Variants in BABAM2 observed in about 807,000 individuals in gnomAD.
BABAM2 encodes the protein BRISC and BRCA1-A complex member 2.
In BABAM2, 31 loss-of-function variants were observed where a neutral mutation model predicts 54.7. The observed-to-expected ratio is 0.57, with a 90% CI of 0.43 to 0.77. The LOEUF is 0.77. Ranked by LOEUF, BABAM2 falls within the 30% of genes least tolerant of loss-of-function variation. BABAM2 has a pLI of 0.00. For synonymous variants in BABAM2, 167 were observed against 162.9 expected, an observed-to-expected ratio of 1.03 and a Z score of -0.19; for missense variants, 364 against 455.8, an observed-to-expected ratio of 0.80 and a Z score of 1.83.
chr2:27,929,758 A>G lies in BABAM2; in HGVS notation c.129-74A>G, dbSNP rs1003007304. On this transcript the variant is annotated intron_variant, in intron 2 of 11. Coordinates refer to ENST00000379624, the MANE Select transcript of BABAM2 (RefSeq NM_199191.3). Reference sequence around the variant, plus strand: ...GTATAAAGATCCTGTTTTGTTTAGTATCATAAACATGTGGGTTTTTAAAGT... The same window carrying G: ...GTATAAAGATCCTGTTTTGTTTAGTGTCATAAACATGTGGGTTTTTAAAGT... 6.0e-6 allele frequency: 8 copies of G among 1,337,312 alleles called. No individual in the cohort carries two copies. The East Asian group carries it at 1.2e-4, about 19-fold the overall frequency. 82.8% of individuals were successfully genotyped at this position (1,337,312 alleles called of 1,614,324 possible).
intron 10 of BABAM2, among the ~76,000 whole-genome samples, chr2:28,258,631 T>TTTTTTTTG (rs1684194708): frequency 6.8e-6 from 1 of 147,834 alleles, no homozygotes; most frequent in Admixed American, 6.8e-5. Context: ...TTTTTTTTTT[T>TTTTTTTTG]GAGACAGGAT....
intron 6 of BABAM2, among the ~76,000 whole-genome samples, chr2:28,112,902 T>A (rs1161534388): frequency 3.3e-5 from 5 of 152,232 alleles, no homozygotes; most frequent in Admixed American, 6.5e-5. Flanking sequence ...CCATTCTAAC[T>A]GGCATGAGAT....
chr2:28,246,539 C>T (rs564535894), intron 10 of BABAM2, among the ~76,000 whole-genome samples: 4 of 152,156 alleles, frequency 2.6e-5, no homozygotes, highest in East Asian at 1.9e-4. Flanking sequence ...GTGACGGCCT[C>T]GTGCCTCCTG....
intron 5 of BABAM2, among the ~76,000 whole-genome samples, chr2:28,030,378 G>A (rs1676203799): frequency 6.6e-6 from 1 of 152,068 alleles, no homozygotes; most frequent in Non-Finnish European, 1.5e-5. Context: ...AAACATTAGG[G>A]CAATGGTTAT....
chr2:28,143,514 A>G (rs1489301248), intron 7 of BABAM2, among the ~76,000 whole-genome samples: 1 of 152,184 alleles, frequency 6.6e-6, no homozygotes, highest in East Asian at 1.9e-4. Context: ...TTTAACACAC[A>G]CACAAGTAAC....
intron 7 of BABAM2, among the ~76,000 whole-genome samples, chr2:28,218,999 T>C (rs1383899530): frequency 3.9e-5 from 6 of 152,254 alleles, no homozygotes; most frequent in Non-Finnish European, 7.3e-5. Flanking sequence ...TTTTGAATGC[T>C]ATATTAGATT....
chr2:27,982,844 T>TACACACACACAC lies in BABAM2; in HGVS notation c.206-5121_206-5110dup, dbSNP rs146744707. ...AGGCTGAATAATATTTCATTATGTG[T>TACACACACACAC]ACACACACACACACACACACACACA... On this transcript the variant is annotated intron_variant, in intron 3 of 11. Transcript: ENST00000379624. 6.3e-5 allele frequency among the ~76,000 whole-genome samples: 8 copies of TACACACACACAC among 127,234 alleles called. No individual in the cohort carries two copies. In the East Asian group the frequency reaches 9.1e-4, roughly 14 times the overall value. The allele number at this position is 127,234 out of a possible 152,430, so 83.5% of individuals were successfully genotyped here.
chr2:28,028,682 G>T (rs1336873636), intron 5 of BABAM2, among the ~76,000 whole-genome samples: 1 of 152,178 alleles, frequency 6.6e-6, no homozygotes, highest in Non-Finnish European at 1.5e-5. Flanking sequence ...AAGTTTAGGT[G>T]CTCTTCTCTG....
chr2:28,227,876 T>C (rs1446364048), intron 7 of BABAM2, among the ~76,000 whole-genome samples: 1 of 152,184 alleles, frequency 6.6e-6, no homozygotes, highest in African/African-American at 2.4e-5. Flanking sequence ...AATTGCCTTC[T>C]TTGGGGTGGG....
chr2:28,177,706 C>CA (rs59807955), intron 7 of BABAM2, among the ~76,000 whole-genome samples: 1,939 of 133,100 alleles, frequency 0.015, 32 homozygotes, highest in African/African-American at 0.051. Flanking sequence ...GCTGAATGGA[C>CA]AAAAAAAAAA....
chr2:28,090,507 G>C (rs1666072981), intron 6 of BABAM2, among the ~76,000 whole-genome samples: 2 of 152,186 alleles, frequency 1.3e-5, no homozygotes, highest in African/African-American at 4.8e-5. Context: ...CTCCCAAAGT[G>C]CTGGGATTAC....
At chr2:28,259,471 A>C (rs1684303649) in intron 10 of BABAM2, among the ~76,000 whole-genome samples, 1 of 151,962 alleles carries the variant, frequency 6.6e-6, no homozygotes, top group African/African-American at 2.4e-5. Flanking sequence ...TTATGTTCTT[A>C]CTTTTGAGTT....
chr2:28,253,602 A>G (rs760594794), intron 10 of BABAM2, among the ~76,000 whole-genome samples: 6 of 152,214 alleles, frequency 3.9e-5, no homozygotes, highest in Non-Finnish European at 7.3e-5. Context: ...TCTAGATCCC[A>G]TGTGCTAAAC....
At chr2:28,107,292 C>A (rs912169565) in intron 6 of BABAM2, among the ~76,000 whole-genome samples, 3 of 152,190 alleles carry the variant, frequency 2.0e-5, no homozygotes, top group African/African-American at 7.2e-5. Flanking sequence ...TGAATCCAGC[C>A]TTCCAAAGCT....
At chr2:28,265,566 G>A (rs113875638) in intron 10 of BABAM2, among the ~76,000 whole-genome samples, 1,988 of 152,218 alleles carry the variant, frequency 0.013, 24 homozygotes, top group African/African-American at 0.045. Flanking sequence ...AGCTTTGGGG[G>A]ATGGGAAAGA....
chr2:28,280,062 A>ATT (rs879941037), intron 10 of BABAM2, among the ~76,000 whole-genome samples: 3 of 144,106 alleles, frequency 2.1e-5, no homozygotes, highest in Non-Finnish European at 4.6e-5. Context: ...ATCATAACTA[A>ATT]TTTTTTTTTT....
chr2:27,985,848 A>AT (rs918043596), intron 3 of BABAM2, among the ~76,000 whole-genome samples: 10 of 152,110 alleles, frequency 6.6e-5, no homozygotes, highest in Admixed American at 5.2e-4. Flanking sequence ...GTTTATTATG[A>AT]TTTTTTAAAA....
intron 10 of BABAM2, among the ~76,000 whole-genome samples, chr2:28,260,445 G>A (rs1462905252): frequency 1.3e-5 from 2 of 149,324 alleles, no homozygotes; most frequent in East Asian, 3.9e-4. Context: ...GGGATTACAG[G>A]TGCCTACCAC....
intron 10 of BABAM2, among the ~76,000 whole-genome samples, chr2:28,246,257 A>G (rs569493290): frequency 1.3e-5 from 2 of 152,310 alleles, no homozygotes; most frequent in South Asian, 4.1e-4. Flanking sequence ...CTGGTACTGC[A>G]GCCACCACTT....
Sources: allele counts gnomAD v4.1 joint callset (sites outside exome capture counted in the v4.1 genomes callset), GRCh38; gene constraint gnomAD v4.1.1; transcripts MANE v1.5; gene names NCBI Gene and HGNC (gene_info 2026-07-23, HGNC 2026-07-21).